PPARGC1A: variants seen among roughly 807,000 people sequenced by gnomAD.
PPARGC1A encodes peroxisome proliferator-activated receptor gamma coactivator 1-alpha.
In PPARGC1A, 25 loss-of-function variants were observed where a neutral mutation model predicts 88.7. The ratio of observed to expected loss-of-function variants is 0.28; its 90% CI spans 0.21 to 0.39. The LOEUF (loss-of-function observed/expected upper bound fraction) is 0.39. Among genes scored for constraint, PPARGC1A ranks in the 10% least tolerant of loss-of-function variants. The pLI, the probability that PPARGC1A is intolerant of heterozygous loss-of-function variation, is 1.00. For missense variants in PPARGC1A, 880 were observed against 968.7 expected (o/e 0.91, Z 1.22); for synonymous variants, 363 against 355.6 (o/e 1.02, Z -0.24).
the PPARGC1A span, among the ~76,000 whole-genome samples, chr4:23,995,965 A>C: frequency 6.6e-6 from 1 of 152,232 alleles, no homozygotes; most frequent in Non-Finnish European, 1.5e-5. Context: ...GACACCTGAC[A>C]GTAAGCCAAA....
chr4:24,295,346 TC>T, the PPARGC1A span, among the ~76,000 whole-genome samples: 1 of 152,290 alleles, frequency 6.6e-6, no homozygotes. Context: ...ATATACCCTC[TC>T]TTTTTCAATG....
the PPARGC1A span, among the ~76,000 whole-genome samples, chr4:24,426,558 A>G: frequency 6.6e-6 from 1 of 152,184 alleles, no homozygotes; most frequent in Non-Finnish European, 1.5e-5. Context: ...TAGTACAAAA[A>G]TGGTTCCTAA....
chr4:24,334,090 G>T, the PPARGC1A span, among the ~76,000 whole-genome samples: 1 of 151,948 alleles, frequency 6.6e-6, no homozygotes, highest in East Asian at 1.9e-4. Flanking sequence ...CCACCCCAAA[G>T]TTTTAGGAGT....
At chr4:24,302,749 T>C in the PPARGC1A span, among the ~76,000 whole-genome samples, 1 of 152,306 alleles carries the variant, frequency 6.6e-6, no homozygotes, top group Middle Eastern at 3.4e-3. Flanking sequence ...GTTTCTCAAA[T>C]GGCAGTCAGG....
the PPARGC1A span, among the ~76,000 whole-genome samples, chr4:23,920,718 AG>A: frequency 6.6e-6 from 1 of 152,130 alleles, no homozygotes; most frequent in Non-Finnish European, 1.5e-5. Flanking sequence ...AACTCAGAAA[AG>A]GGGAAATTAT....
At chr4:24,267,902 C>CT in the PPARGC1A span, among the ~76,000 whole-genome samples, 4 of 152,064 alleles carry the variant, frequency 2.6e-5, no homozygotes, top group African/African-American at 9.7e-5. Flanking sequence ...AAAGAATTAT[C>CT]TTTGTGGTGA....
At chr4:24,266,223 C>T in the PPARGC1A span, among the ~76,000 whole-genome samples, 1 of 152,194 alleles carries the variant, frequency 6.6e-6, no homozygotes, top group Non-Finnish European at 1.5e-5. Context: ...GGAATCAGAA[C>T]TGCCCAGTGA....
chr4:24,326,374 G>T, the PPARGC1A span, among the ~76,000 whole-genome samples: 1 of 152,026 alleles, frequency 6.6e-6, no homozygotes, highest in Middle Eastern at 3.4e-3. Flanking sequence ...AAATTGTTTT[G>T]CCTATCCACC....
At chr4:23,826,523 T>A (rs1723965191) in intron 5 of PPARGC1A, among the ~76,000 whole-genome samples, 1 of 152,166 alleles carries the variant, frequency 6.6e-6, no homozygotes, top group Non-Finnish European at 1.5e-5. Flanking sequence ...TGATGTTCAG[T>A]GAGAAAAAAA....
At chr4:24,246,761 C>T in the PPARGC1A span, among the ~76,000 whole-genome samples, 1 of 152,144 alleles carries the variant, frequency 6.6e-6, no homozygotes, top group Non-Finnish European at 1.5e-5. Flanking sequence ...AACCATCTTC[C>T]GGGAGCTGGG....
chr4:24,086,131 A>T, the PPARGC1A span, among the ~76,000 whole-genome samples: 1 of 152,076 alleles, frequency 6.6e-6, no homozygotes, highest in Non-Finnish European at 1.5e-5. Context: ...TATGACTCAT[A>T]TTTTTTATAA....
chr4:24,277,407 C>T, the PPARGC1A span, among the ~76,000 whole-genome samples: 1 of 152,122 alleles, frequency 6.6e-6, no homozygotes, highest in African/African-American at 2.4e-5. Context: ...AAGCAGCCCT[C>T]CAAGTGTAGG....
upstream of PPARGC1A, among the ~76,000 whole-genome samples, chr4:23,902,626 A>ATGG (rs1719544678): frequency 6.6e-6 from 1 of 151,868 alleles, no homozygotes; most frequent in Admixed American, 6.6e-5. Flanking sequence ...CTCTAGGATG[A>ATGG]AGAAGATGGC....
chr4:24,196,793 TA>T, the PPARGC1A span, among the ~76,000 whole-genome samples: 1 of 152,260 alleles, frequency 6.6e-6, no homozygotes, highest in Non-Finnish European at 1.5e-5. Flanking sequence ...CTTTGGCCTC[TA>T]TTCCTATATC....
chr4:23,858,567 T>G (rs992353817), intron 2 of PPARGC1A, among the ~76,000 whole-genome samples: 3 of 152,220 alleles, frequency 2.0e-5, no homozygotes, highest in Non-Finnish European at 4.4e-5. Context: ...CTCAGGGAAT[T>G]TGGGCAAGCC....
At chr4:24,209,542 C>G in the PPARGC1A span, among the ~76,000 whole-genome samples, 1 of 152,126 alleles carries the variant, frequency 6.6e-6, no homozygotes. Context: ...TTATCTGGTC[C>G]AAAATGTGAA....
chr4:24,322,582 C>G, the PPARGC1A span, among the ~76,000 whole-genome samples: 3 of 152,120 alleles, frequency 2.0e-5, no homozygotes, highest in East Asian at 5.8e-4. Context: ...CTGGTATGTT[C>G]CTGCTACAGA....
rs370930722 is a variant in PPARGC1A, at chr4:23,831,730, C to G, written c.256G>C (p.Ala86Pro). 42 of 1,613,024 alleles carry G rather than the reference C, an allele frequency of 2.6e-5. No individual in the cohort carries two copies. The highest frequency in any genetic ancestry group is 3.6e-5 in the Non-Finnish European group (42 of 1,179,266). Residue 86 changes from alanine (A) to proline (P), a missense_variant, in exon 3 of 13, where the codon GCA (alanine) becomes CCA (proline). Coordinates refer to ENST00000264867, the MANE Select transcript of PPARGC1A (RefSeq NM_013261.5). ...IFEKIDEENE[A>P]NLLAVLTETL... ...TCTGTGAGGACTGCTAGCAAGTTTG[C>G]CTCATTCTCTTCATCTATCTTCTGC...
At chr4:24,161,532 C>G in the PPARGC1A span, among the ~76,000 whole-genome samples, 9 of 152,054 alleles carry the variant, frequency 5.9e-5, no homozygotes, top group African/African-American at 9.7e-5. Context: ...ATGGGTCTGT[C>G]GGGATCTACC....
Sources: allele counts gnomAD v4.1 joint callset (sites outside exome capture counted in the v4.1 genomes callset), GRCh38; gene constraint gnomAD v4.1.1; transcripts MANE v1.5; gene names NCBI Gene and HGNC (gene_info 2026-07-23, HGNC 2026-07-21).